SHISA6: variants seen among roughly 807,000 people sequenced by gnomAD.
SHISA6 encodes the protein protein shisa-6.
A neutral mutation model predicts 47.9 loss-of-function variants in SHISA6; 22 were observed. That is an observed-to-expected ratio of 0.46 (90% CI 0.33 to 0.66). The LOEUF (loss-of-function observed/expected upper bound fraction) is 0.66, where lower values mean the gene tolerates loss of function less well. Ranked by LOEUF, SHISA6 falls within the 30% of genes least tolerant of loss-of-function variation. The pLI is 0.02. For synonymous variants in SHISA6, 388 were observed against 337.8 expected (o/e 1.15, Z -1.63); for missense variants, 680 against 764.6 (o/e 0.89, Z 1.30).
intron 3 of SHISA6, among the ~76,000 whole-genome samples, chr17:11,423,281 A>ATATATATGCCTGTAACATATATC (rs1555534338): frequency 1.3e-5 from 2 of 148,530 alleles, no homozygotes; most frequent in African/African-American, 4.9e-5. Context: ...GCAGTAACAT[A>ATATATATGCCTGTAACATATATC]TATATATGCC....
At chr17:11,422,376 G>A (rs899493940) in intron 3 of SHISA6, among the ~76,000 whole-genome samples, 1 of 152,162 alleles carries the variant, frequency 6.6e-6, no homozygotes, top group African/African-American at 2.4e-5. Flanking sequence ...CCACTACCGA[G>A]CCCAGTCAGC....
intron 1 of SHISA6, among the ~76,000 whole-genome samples, chr17:11,260,714 GCTTGGGGTTTCAGACCCCCT>G (rs1220907550): frequency 6.6e-6 from 1 of 151,604 alleles, no homozygotes; most frequent in Non-Finnish European, 1.5e-5. Context: ...GCTCTCTCTT[GCTTGGGGTTTCAGACCCCCT>G]CTCACTCTCC....
intron 3 of SHISA6, among the ~76,000 whole-genome samples, chr17:11,430,755 A>G (rs972086252): frequency 6.6e-6 from 1 of 152,180 alleles, no homozygotes; most frequent in East Asian, 1.9e-4. Flanking sequence ...CACCTACAGC[A>G]TTACTCAGAG....
chr17:11,422,170 A>G (rs1914466922), intron 3 of SHISA6, among the ~76,000 whole-genome samples: 1 of 152,192 alleles, frequency 6.6e-6, no homozygotes, highest in African/African-American at 2.4e-5. Context: ...CAGGCTGAGC[A>G]TGTGATGAAA....
At chr17:11,388,793 TATATATATA>T (rs1421028969) in intron 3 of SHISA6, among the ~76,000 whole-genome samples, 2 of 9,186 alleles carry the variant, frequency 2.2e-4, no homozygotes, top group African/African-American at 1.5e-3. Flanking sequence ...CAAAAGTTTA[TATATATATA>T]TATATATATA....
At chr17:11,325,929 CAA>C in intron 2 of SHISA6, among the ~76,000 whole-genome samples, 1 of 152,228 alleles carries the variant, frequency 6.6e-6, no homozygotes, top group Admixed American at 6.5e-5. Flanking sequence ...TCCTTGACCC[CAA>C]AAGACTTGTT....
Position 11,241,911 on chromosome 17 carries a change from C to T in SHISA6, c.489C>T (p.Pro163=), listed in dbSNP as rs372008198. The change falls in exon 1 of 6, where the codon CCC becomes CCT. Residue 163 remains proline, a synonymous_variant. Transcript: ENST00000441885. The surrounding 1 kb of genome is among the most constrained non-coding windows in gnomAD (Gnocchi z 5.5). ...TPSTKVVSPG[P]ENKYDPEKDK... is the part of the protein sequence containing the mutation. ...GCACCAAGGTGGTGTCGCCGGGGCC[C>T]GAGAACAAGTACGACCCGGAGAAGG... The T allele has an allele frequency of 5.8e-4, 894 of 1,551,064 alleles. No homozygotes were observed. Among genetic ancestry groups the T allele is most frequent in the Non-Finnish European group, 7.2e-4 (829 of 1,147,018 alleles).
At chr17:11,526,119 C>CCG (rs60947582) in intron 3 of SHISA6, among the ~76,000 whole-genome samples, 10 of 151,842 alleles carry the variant, frequency 6.6e-5, no homozygotes, top group East Asian at 1.9e-4. Context: ...GACCCCCCCC[C>CCG]GCTCTCTGCT....
At chr17:11,387,230 G>C (rs74725399) in intron 3 of SHISA6, among the ~76,000 whole-genome samples, 1 of 152,022 alleles carries the variant, frequency 6.6e-6, no homozygotes, top group African/African-American at 2.4e-5. Flanking sequence ...ATGCTGTTGG[G>C]GACTGGTTTG....
intron 3 of SHISA6, among the ~76,000 whole-genome samples, chr17:11,542,954 T>C (rs2908961): frequency 0.42 from 63,894 of 151,862 alleles, 13,938 homozygotes; most frequent in East Asian, 0.59. Context: ...GCACTCTTCC[T>C]ACTCAATCAA....
At chr17:11,550,213 T>C (rs2071919137) in intron 3 of SHISA6, among the ~76,000 whole-genome samples, 2 of 151,986 alleles carry the variant, frequency 1.3e-5, no homozygotes, top group African/African-American at 2.4e-5. Flanking sequence ...TGCCACCCCA[T>C]GTCTGTATAA....
At chr17:11,538,535 C>T (rs1232912828) in intron 3 of SHISA6, among the ~76,000 whole-genome samples, 1 of 152,272 alleles carries the variant, frequency 6.6e-6, no homozygotes, top group East Asian at 1.9e-4. Context: ...ATGAAATGGG[C>T]CTGGACTATA....
chr17:11,249,116 C>T lies in SHISA6; in HGVS notation c.638+7056C>T, dbSNP rs564117313. On this transcript the variant is annotated intron_variant, in intron 1 of 5. Transcript: ENST00000441885. ...TCGCGCCACTGCACTCCAGCCTGGG[C>T]AACAGAGCGAGACTCCGTCTCAAAA... Among the ~76,000 whole-genome samples the T allele has an allele frequency of 3.6e-3, 452 of 125,436 alleles. 9 individuals carry two copies. The highest frequency in any genetic ancestry group is 9.7e-4 in the Non-Finnish European group (61 of 62,694). 82.3% of individuals were successfully genotyped at this position (125,436 alleles called of 152,430 possible). A position where few individuals can be genotyped will look rare whatever the true frequency, so the allele number is the denominator to read the frequency against.
chr17:11,531,423 TAAAC>T (rs1286375985), intron 3 of SHISA6, among the ~76,000 whole-genome samples: 1 of 152,044 alleles, frequency 6.6e-6, no homozygotes, highest in East Asian at 1.9e-4. Flanking sequence ...TTAGTACTGA[TAAAC>T]AAAGAAACAG....
chr17:11,449,970 C>T (rs188296860), intron 3 of SHISA6, among the ~76,000 whole-genome samples: 1,566 of 152,318 alleles, frequency 0.01, 17 homozygotes, highest in Non-Finnish European at 0.015. Flanking sequence ...CTGCAAGCTC[C>T]GCCTCCTGGG....
intron 2 of SHISA6, among the ~76,000 whole-genome samples, chr17:11,356,420 ACT>A (rs1912081718): frequency 6.6e-6 from 1 of 151,912 alleles, no homozygotes; most frequent in Admixed American, 6.6e-5. Context: ...AGATGCAATT[ACT>A]CTCTCCCCAG....
intron 3 of SHISA6, among the ~76,000 whole-genome samples, chr17:11,436,858 T>C (rs1053850471): frequency 1.3e-5 from 2 of 152,198 alleles, no homozygotes; most frequent in Non-Finnish European, 2.9e-5. Flanking sequence ...GATACCCTTA[T>C]TGGAAATGTG....
intron 2 of SHISA6, among the ~76,000 whole-genome samples, chr17:11,368,547 A>G (rs1448446634): frequency 6.6e-6 from 1 of 152,204 alleles, no homozygotes. Flanking sequence ...CTCTTCTAGT[A>G]GTAATGGTAG....
chr17:11,333,430 G>A (rs191212244), intron 2 of SHISA6, among the ~76,000 whole-genome samples: 2 of 152,322 alleles, frequency 1.3e-5, no homozygotes, highest in African/African-American at 4.8e-5. Flanking sequence ...CCAGGGACAG[G>A]ACAGGAGCTG....
Sources: allele counts gnomAD v4.1 joint callset (sites outside exome capture counted in the v4.1 genomes callset), GRCh38; gene constraint gnomAD v4.1.1; non-coding constraint Gnocchi (gnomAD v3.1); transcripts MANE v1.5; gene names NCBI Gene and HGNC (gene_info 2026-07-23, HGNC 2026-07-21).